NME7: variants seen among roughly 807,000 people sequenced by gnomAD.
The protein encoded by NME7 is NME/NM23 family member 7.
NME7 carries 41 observed loss-of-function variants against 49.1 expected under a neutral mutation model. The ratio of observed to expected loss-of-function variants is 0.83; its 90% CI spans 0.65 to 1.08. The LOEUF (loss-of-function observed/expected upper bound fraction) is 1.08, where lower values mean the gene tolerates loss of function less well. Among genes scored for constraint, NME7 ranks in the 50% least tolerant of loss-of-function variants. The pLI, the probability that NME7 is intolerant of heterozygous loss-of-function variation, is 0.00. For missense variants in NME7, 423 were observed against 463.4 expected (o/e 0.91, Z 0.80); for synonymous variants, 139 against 150.6 (o/e 0.92, Z 0.56).
chr1:169,356,665 T>C (rs61806990), intron 1 of NME7, among the ~76,000 whole-genome samples: 18,265 of 152,114 alleles, frequency 0.12, 1,151 homozygotes, highest in Admixed American at 0.14. Context: ...TCTGGGTCAA[T>C]GAACAAAAAT....
At chr1:169,190,487 C>G (rs905915370) in intron 10 of NME7, among the ~76,000 whole-genome samples, 1 of 149,410 alleles carries the variant, frequency 6.7e-6, no homozygotes, top group African/African-American at 2.4e-5. Flanking sequence ...AATTTTTAGT[C>G]TATTAGGTCT....
At chr1:169,181,364 TACACACAC>T (rs58453647) in intron 10 of NME7, among the ~76,000 whole-genome samples, 27 of 91,572 alleles carry the variant, frequency 2.9e-4, no homozygotes, top group East Asian at 1.1e-3. Flanking sequence ...CTCAAATTCC[TACACACAC>T]ACACACACAC....
intron 7 of NME7, among the ~76,000 whole-genome samples, chr1:169,274,584 G>A (rs1465024998): frequency 3.0e-5 from 4 of 132,846 alleles, no homozygotes; most frequent in African/African-American, 1.0e-4. Context: ...TTCTTCTAGG[G>A]TTTTTATGGT....
intron 10 of NME7, among the ~76,000 whole-genome samples, chr1:169,205,405 T>C (rs1157823153): frequency 6.6e-6 from 1 of 152,126 alleles, no homozygotes; most frequent in Admixed American, 6.6e-5. Flanking sequence ...AGTCTTCCCA[T>C]CTTGCCCATT....
intron 1 of NME7, among the ~76,000 whole-genome samples, chr1:169,366,705 T>C (rs544883548): frequency 1.4e-4 from 21 of 152,186 alleles, no homozygotes; most frequent in African/African-American, 1.7e-4. Context: ...GGGCATGAGG[T>C]TGAAGAAATG....
At chr1:169,184,884 A>C (rs1660025239) in intron 10 of NME7, among the ~76,000 whole-genome samples, 1 of 152,190 alleles carries the variant, frequency 6.6e-6, no homozygotes, top group Non-Finnish European at 1.5e-5. Flanking sequence ...ATTCCTACCA[A>C]GGCAGAGCAT....
intron 7 of NME7, among the ~76,000 whole-genome samples, chr1:169,251,731 C>A (rs1172821789): frequency 2.5e-5 from 3 of 122,308 alleles, no homozygotes; most frequent in African/African-American, 6.3e-5. Flanking sequence ...CCACAACAGT[C>A]CCCAGAGTGT....
intron 1 of NME7, among the ~76,000 whole-genome samples, chr1:169,329,284 T>C (rs1652175586): frequency 6.6e-6 from 1 of 151,708 alleles, no homozygotes; most frequent in African/African-American, 2.4e-5. Flanking sequence ...TGTTCCTAAA[T>C]ATTTTATGAA....
intron 10 of NME7, among the ~76,000 whole-genome samples, chr1:169,207,503 G>A (rs1355755630): frequency 6.6e-6 from 1 of 152,100 alleles, no homozygotes; most frequent in Non-Finnish European, 1.5e-5. Flanking sequence ...ACCCAAGGGG[G>A]AAGAGGATCA....
chr1:169,330,796 A>G (rs1171431375), intron 1 of NME7, among the ~76,000 whole-genome samples: 1 of 152,206 alleles, frequency 6.6e-6, no homozygotes, highest in Non-Finnish European at 1.5e-5. Context: ...GAAACAGAAA[A>G]ATAACCAGAT....
chr1:169,209,866 C>T (rs1660765063), intron 10 of NME7, among the ~76,000 whole-genome samples: 2 of 152,088 alleles, frequency 1.3e-5, no homozygotes, highest in South Asian at 4.1e-4. Flanking sequence ...TTTAGGGCCT[C>T]TACAGGCTTC....
intron 11 of NME7, among the ~76,000 whole-genome samples, chr1:169,161,168 C>T (rs929102005): frequency 2.0e-5 from 3 of 152,248 alleles, no homozygotes; most frequent in Admixed American, 6.5e-5. Flanking sequence ...TATGACTTTA[C>T]GAGGCCCCTG....
At chr1:169,193,243 A>C (rs1408593543) in intron 10 of NME7, among the ~76,000 whole-genome samples, 1 of 152,160 alleles carries the variant, frequency 6.6e-6, no homozygotes, top group Non-Finnish European at 1.5e-5. Context: ...AAAAATCAAC[A>C]TACAAAGGTG....
chr1:169,245,277 T>C (rs997592168), intron 7 of NME7, among the ~76,000 whole-genome samples: 8 of 152,184 alleles, frequency 5.3e-5, no homozygotes, highest in African/African-American at 1.9e-4. Context: ...TTAAACTTAC[T>C]GGATGTAACA....
chr1:169,239,199 GGAAAGAATAGCAAAA>G (rs1647984718), intron 7 of NME7, among the ~76,000 whole-genome samples: 1 of 151,758 alleles, frequency 6.6e-6, no homozygotes, highest in Non-Finnish European at 1.5e-5. Flanking sequence ...AATAAGTAGT[GGAAAGAATAGCAAAA>G]GCTTTTGAAA....
chr1:169,341,709 A>G (rs1048498246), intron 1 of NME7, among the ~76,000 whole-genome samples: 2 of 152,172 alleles, frequency 1.3e-5, no homozygotes, highest in Non-Finnish European at 2.9e-5. Context: ...CTCTTCCATC[A>G]GCATGCCCTG....
chr1:169,248,085 T>C (rs150936411), intron 7 of NME7, among the ~76,000 whole-genome samples: 1 of 152,320 alleles, frequency 6.6e-6, no homozygotes, highest in Non-Finnish European at 1.5e-5. Flanking sequence ...TTTGTACTAA[T>C]TTACATTCCT....
chr1:169,299,365 C>T (rs998179413), intron 5 of NME7, among the ~76,000 whole-genome samples: 2 of 151,988 alleles, frequency 1.3e-5, no homozygotes, highest in African/African-American at 2.4e-5. Context: ...TTAAAGTGTA[C>T]GCATCGGTTC....
chr1:169,358,244 A>T (rs1206513832), intron 1 of NME7, among the ~76,000 whole-genome samples: 1 of 145,896 alleles, frequency 6.9e-6, no homozygotes, highest in Non-Finnish European at 1.5e-5. Context: ...TTTCATATGT[A>T]TATTACAGTT....
Sources: allele counts gnomAD v4.1 joint callset (sites outside exome capture counted in the v4.1 genomes callset), GRCh38; gene constraint gnomAD v4.1.1; transcripts MANE v1.5; gene names NCBI Gene and HGNC (gene_info 2026-07-23, HGNC 2026-07-21).